The following GPD2 variants were observed in gnomAD, a reference collection of about 807,000 sequenced individuals.
The protein encoded by GPD2 is glycerol-3-phosphate dehydrogenase 2, also known as glycerol-3-phosphate dehydrogenase, mitochondrial.
In GPD2, 54 loss-of-function variants were observed where a neutral mutation model predicts 82.4. The ratio of observed to expected loss-of-function variants is 0.66; its 90% CI spans 0.53 to 0.82. GPD2 has a LOEUF of 0.82. Among genes scored for constraint, GPD2 ranks in the 40% least tolerant of loss-of-function variants. GPD2 has a pLI of 0.00. For synonymous variants in GPD2, 288 were observed against 306.1 expected (o/e 0.94, Z 0.62); for missense variants, 748 against 896.2 (o/e 0.83, Z 2.11).
chr2:156,479,611 C>T (rs1683647626), intron 2 of GPD2, among the ~76,000 whole-genome samples: 1 of 152,038 alleles, frequency 6.6e-6, no homozygotes, highest in Non-Finnish European at 1.5e-5. Flanking sequence ...TATTATTATT[C>T]TTTTGGAGCT....
chr2:156,422,629 C>G, the GPD2 span, among the ~76,000 whole-genome samples: 1 of 151,744 alleles, frequency 6.6e-6, no homozygotes, highest in Non-Finnish European at 1.5e-5. Context: ...ACTTGGGAGG[C>G]TGAGGCAGGA....
At chr2:156,421,236 A>G in the GPD2 span, among the ~76,000 whole-genome samples, 1 of 152,200 alleles carries the variant, frequency 6.6e-6, no homozygotes, top group Admixed American at 6.5e-5. Context: ...TGAGGTGCTC[A>G]TTAGAATGCA....
At chr2:156,451,011 A>G (rs1408905152) in intron 1 of GPD2, among the ~76,000 whole-genome samples, 1 of 139,322 alleles carries the variant, frequency 7.2e-6, no homozygotes, top group Non-Finnish European at 1.6e-5. Context: ...ATCCCAAGGC[A>G]GAAGAATTTT....
the GPD2 span, among the ~76,000 whole-genome samples, chr2:156,427,263 T>C: frequency 1.3e-5 from 2 of 152,208 alleles, no homozygotes; most frequent in African/African-American, 4.8e-5. Context: ...TAAGTTCTGC[T>C]TGAAAGAGGA....
intron 3 of GPD2, 67 bp from the exon 4 acceptor site, chr2:156,510,729 G>A (rs1313700542): frequency 6.1e-6 from 8 of 1,308,164 alleles, no homozygotes; most frequent in Non-Finnish European, 8.9e-6. Context: ...CCCTGGAGAA[G>A]TGCCTTTAAT....
At chr2:156,493,598 T>C (rs1258342733) in intron 2 of GPD2, among the ~76,000 whole-genome samples, 1 of 152,138 alleles carries the variant, frequency 6.6e-6, no homozygotes, top group Non-Finnish European at 1.5e-5. Context: ...TCAGTCAAGA[T>C]TAATGTTCAC....
At chr2:156,406,523 T>A in the GPD2 span, among the ~76,000 whole-genome samples, 1 of 152,226 alleles carries the variant, frequency 6.6e-6, no homozygotes, top group Non-Finnish European at 1.5e-5. Flanking sequence ...AGATTTCCTC[T>A]GCCATCCTGC....
chr2:156,503,768 T>C (rs1399902076), intron 3 of GPD2, among the ~76,000 whole-genome samples: 1 of 152,184 alleles, frequency 6.6e-6, no homozygotes, highest in Non-Finnish European at 1.5e-5. Context: ...AAGACAGTTT[T>C]AATAGTTAAC....
chr2:156,430,654 T>A (rs2105123701), upstream of GPD2, among the ~76,000 whole-genome samples: 1 of 152,360 alleles, frequency 6.6e-6, no homozygotes, highest in East Asian at 1.9e-4. Context: ...AAAATGAAAG[T>A]GTGGGGTTAA....
At chr2:156,529,208 A>G (rs1404232346) in intron 6 of GPD2, among the ~76,000 whole-genome samples, 5 of 80,786 alleles carry the variant, frequency 6.2e-5, no homozygotes, top group African/African-American at 1.1e-4. Context: ...GCATTTTTTC[A>G]TATGTTTTTT....
rs186872918 is a variant in GPD2 at position 156,584,119 on chromosome 2, C to T, written c.*1201C>T. 7.2e-5 allele frequency: 11 copies of T among 152,066 alleles called. No individual in the cohort carries two copies. Among genetic ancestry groups the T allele is most frequent in the African/African-American group, 9.6e-5 (4 of 41,512 alleles). 9.4% of individuals were successfully genotyped at this position (152,066 alleles called of 1,614,324 possible). On this transcript the variant is annotated 3_prime_UTR_variant, in exon 17 of 17. Transcript: ENST00000438166. The stretch of plus-strand genomic sequence containing the variant: ...GAAAAATAATCACCAACCCCCATCC[C>T]GACACACACACAGAGTCCAAAGCAA...
At chr2:156,462,595 C>G (rs555661458) in intron 1 of GPD2, among the ~76,000 whole-genome samples, 11 of 152,180 alleles carry the variant, frequency 7.2e-5, no homozygotes, top group African/African-American at 2.2e-4. Flanking sequence ...AGCCACCGCA[C>G]CTAGCCTGAC....
intron 2 of GPD2, among the ~76,000 whole-genome samples, chr2:156,485,184 C>G (rs1683894144): frequency 6.6e-6 from 1 of 152,136 alleles, no homozygotes; most frequent in African/African-American, 2.4e-5. Context: ...GTTTCCATAT[C>G]TTGGCTGTTG....
chr2:156,469,532 T>C (rs953106575), intron 1 of GPD2, among the ~76,000 whole-genome samples: 3 of 152,182 alleles, frequency 2.0e-5, no homozygotes, highest in African/African-American at 7.2e-5. Context: ...TTGTTATCCA[T>C]TTGTCTGTTG....
intron 9 of GPD2, among the ~76,000 whole-genome samples, chr2:156,567,007 A>G (rs1687417153): frequency 1.3e-5 from 2 of 151,950 alleles, no homozygotes; most frequent in Non-Finnish European, 2.9e-5. Flanking sequence ...GAGCATTTGT[A>G]TATCTTTTTT....
At chr2:156,522,683 C>CTT (rs35120661) in intron 6 of GPD2, among the ~76,000 whole-genome samples, 13 of 134,550 alleles carry the variant, frequency 9.7e-5, no homozygotes, top group South Asian at 4.6e-4. Context: ...GTTTTTTAAG[C>CTT]TTTTTTTTTT....
intron 2 of GPD2, among the ~76,000 whole-genome samples, chr2:156,482,412 T>A (rs1683766144): frequency 6.6e-6 from 1 of 152,194 alleles, no homozygotes; most frequent in Admixed American, 6.5e-5. Context: ...ATATGAATTA[T>A]GGCATACTTG....
At chr2:156,418,789 A>T in the GPD2 span, among the ~76,000 whole-genome samples, 1 of 152,206 alleles carries the variant, frequency 6.6e-6, no homozygotes, top group African/African-American at 2.4e-5. Flanking sequence ...GGGCATTATT[A>T]GGGAGAATGA....
chr2:156,429,011 T>C, the GPD2 span, among the ~76,000 whole-genome samples: 3 of 152,250 alleles, frequency 2.0e-5, no homozygotes, highest in African/African-American at 7.2e-5. Context: ...ATCCTCACTT[T>C]AAAGCTAATC....
Sources: gnomAD v4.1 joint callset for allele counts (sites outside exome capture counted in the v4.1 genomes callset) on GRCh38, gnomAD v4.1.1 for gene constraint, MANE v1.5 for transcripts, NCBI Gene and HGNC (gene_info 2026-07-23, HGNC 2026-07-21) for gene names.